Variants in MAPRE2 observed in about 807,000 individuals in gnomAD.
MAPRE2 encodes the protein microtubule associated protein RP/EB family member 2, also known as microtubule-associated protein RP/EB family member 2.
MAPRE2 carries 13 observed loss-of-function variants against 43.2 expected under a neutral mutation model. That is an observed-to-expected ratio of 0.30 (90% CI 0.20 to 0.48). The LOEUF (loss-of-function observed/expected upper bound fraction) is 0.48. Among genes scored for constraint, MAPRE2 ranks in the 20% least tolerant of loss-of-function variants. The pLI is 0.99. For synonymous variants in MAPRE2, 135 were observed against 148.8 expected, an observed-to-expected ratio of 0.91 and a Z score of 0.68; for missense variants, 161 against 400.2, an observed-to-expected ratio of 0.40 and a Z score of 5.10.
intron 1 of MAPRE2, among the ~76,000 whole-genome samples, chr18:35,045,123 T>C (rs1905556297): frequency 6.6e-6 from 1 of 152,236 alleles, no homozygotes; most frequent in African/African-American, 2.4e-5. Context: ...CTCAGCTTCC[T>C]CACTGTGTTT....
intron 2 of MAPRE2, among the ~76,000 whole-genome samples, chr18:35,089,385 A>G (rs1384831013): frequency 6.6e-6 from 1 of 152,228 alleles, no homozygotes; most frequent in East Asian, 1.9e-4. Flanking sequence ...ACAGAATGGG[A>G]GAAAATATTT....
At chr18:35,111,981 T>C (rs1909195935) in intron 4 of MAPRE2, among the ~76,000 whole-genome samples, 1 of 152,182 alleles carries the variant, frequency 6.6e-6, no homozygotes, top group African/African-American at 2.4e-5. Context: ...CAGTCCCCAG[T>C]CACTTATCCA....
Position 35,000,865 on chromosome 18 carries a change from C to T in MAPRE2, c.-69-4627C>T, listed in dbSNP as rs371108209. On this transcript the variant is annotated intron_variant, in intron 1 of 7. Coordinates refer to the MAPRE2 transcript ENST00000413393. ...TGTGTGTTGGCGATTAAAATTCTGTCGTTATTTAGTGTATGGTCCAGTTTT... is the reference window on the plus strand; with the variant it reads ...TGTGTGTTGGCGATTAAAATTCTGTTGTTATTTAGTGTATGGTCCAGTTTT... Among the ~76,000 whole-genome samples, 16 of 152,266 alleles carry T rather than the reference C, an allele frequency of 1.1e-4. 1 individual carries two copies. Among genetic ancestry groups the T allele is most frequent in the Admixed American group, 4.6e-4 (7 of 15,302 alleles).
chr18:35,126,079 G>C (rs1002588402), intron 4 of MAPRE2, among the ~76,000 whole-genome samples: 1 of 152,102 alleles, frequency 6.6e-6, no homozygotes, highest in Non-Finnish European at 1.5e-5. Context: ...CATATTTAGT[G>C]GCTGCCAGTG....
chr18:35,024,576 G>T (rs9962074), intron 2 of MAPRE2, among the ~76,000 whole-genome samples: 4 of 152,230 alleles, frequency 2.6e-5, no homozygotes, highest in African/African-American at 7.2e-5. Flanking sequence ...AATTTACTAC[G>T]AGTATCTGCA....
chr18:35,117,452 T>G (rs1909466526), intron 4 of MAPRE2, among the ~76,000 whole-genome samples: 1 of 152,264 alleles, frequency 6.6e-6, no homozygotes. Flanking sequence ...GACAAGACAT[T>G]ATACACTTAG....
At chr18:35,067,885 A>G (rs1262468339) in intron 1 of MAPRE2, among the ~76,000 whole-genome samples, 2 of 152,240 alleles carry the variant, frequency 1.3e-5, no homozygotes, top group African/African-American at 2.4e-5. Context: ...TTAATAAATG[A>G]TAGACTAAAG....
intron 1 of MAPRE2, among the ~76,000 whole-genome samples, chr18:34,999,358 C>T (rs905899352): frequency 4.6e-5 from 7 of 152,062 alleles, no homozygotes; most frequent in African/African-American, 1.4e-4. Flanking sequence ...AAGAATTTTA[C>T]TTTTGTACAT....
upstream of MAPRE2, chr18:35,041,397 C>T (rs1003165717): frequency 2.0e-6 from 3 of 1,504,814 alleles, no homozygotes; most frequent in East Asian, 2.4e-5. Flanking sequence ...GAGGGCGGGG[C>T]GCGAGCGAGA....
At chr18:35,090,773 G>T (rs1050251168) in intron 2 of MAPRE2, among the ~76,000 whole-genome samples, 3 of 151,446 alleles carry the variant, frequency 2.0e-5, no homozygotes, top group African/African-American at 7.3e-5. Flanking sequence ...AAAAATAGGA[G>T]GAAGTCAAAT....
intron 1 of MAPRE2, among the ~76,000 whole-genome samples, chr18:35,059,578 T>C (rs564442068): frequency 6.6e-6 from 1 of 152,274 alleles, no homozygotes; most frequent in African/African-American, 2.4e-5. Flanking sequence ...GCTTACATCC[T>C]GGGGGCAAGA....
intron 1 of MAPRE2, among the ~76,000 whole-genome samples, chr18:34,982,221 A>G (rs536685100): frequency 1.3e-5 from 2 of 152,118 alleles, no homozygotes; most frequent in African/African-American, 4.8e-5. Context: ...GAATTAACCA[A>G]CCCCAAACAT....
At chr18:34,993,255 CT>C (rs760356794) in intron 1 of MAPRE2, among the ~76,000 whole-genome samples, 4,553 of 130,052 alleles carry the variant, frequency 0.035, 71 homozygotes, top group Non-Finnish European at 0.036. Context: ...CCATTCCCGC[CT>C]TTTTTTTTTT....
intron 1 of MAPRE2, among the ~76,000 whole-genome samples, chr18:34,983,598 A>G (rs963485837): frequency 6.6e-6 from 1 of 152,172 alleles, no homozygotes; most frequent in Non-Finnish European, 1.5e-5. Context: ...GTTTTTGGAA[A>G]TAGCCCTACT....
At chr18:35,001,162 T>A (rs1216318875) in intron 1 of MAPRE2, among the ~76,000 whole-genome samples, 1 of 152,150 alleles carries the variant, frequency 6.6e-6, no homozygotes, top group Non-Finnish European at 1.5e-5. Flanking sequence ...TTTTATAAGA[T>A]TTTGAAAATT....
intron 2 of MAPRE2, among the ~76,000 whole-genome samples, chr18:35,035,291 T>A (rs2097049964): frequency 6.7e-6 from 1 of 150,202 alleles, no homozygotes; most frequent in South Asian, 2.1e-4. Context: ...ATGTTCTCAC[T>A]CGTAGGTGGG....
chr18:35,058,564 T>G (rs516412), intron 1 of MAPRE2, among the ~76,000 whole-genome samples: 2 of 151,984 alleles, frequency 1.3e-5, no homozygotes, highest in Non-Finnish European at 2.9e-5. Context: ...GGCTTGAACC[T>G]CAAATCTGTA....
intron 1 of MAPRE2, among the ~76,000 whole-genome samples, chr18:34,979,071 T>C (rs1044456111): frequency 6.6e-6 from 1 of 151,972 alleles, no homozygotes. Context: ...CTTGGGTGGG[T>C]GAGAGAAAAG....
At chr18:35,065,662 T>C (rs1218008813) in intron 1 of MAPRE2, among the ~76,000 whole-genome samples, 5 of 152,122 alleles carry the variant, frequency 3.3e-5, no homozygotes, top group African/African-American at 1.2e-4. Flanking sequence ...CAAGCGATTC[T>C]CCTGCCTCAG....
Sources: allele counts gnomAD v4.1 joint callset (sites outside exome capture counted in the v4.1 genomes callset), GRCh38; gene constraint gnomAD v4.1.1; transcripts MANE v1.5; gene names NCBI Gene and HGNC (gene_info 2026-07-23, HGNC 2026-07-21).